The following CDC14B variants were observed in gnomAD, a reference collection of about 807,000 sequenced individuals.
CDC14B encodes the protein cell division cycle 14B, also known as dual specificity protein phosphatase CDC14B.
CDC14B carries 22 observed loss-of-function variants against 64.2 expected under a neutral mutation model. That is an observed-to-expected ratio of 0.34 (90% CI 0.24 to 0.49). The LOEUF (loss-of-function observed/expected upper bound fraction) is 0.49, where lower values mean the gene tolerates loss of function less well. Ranked by LOEUF, CDC14B falls within the 20% of genes least tolerant of loss-of-function variation. The pLI is 0.99. For synonymous variants in CDC14B, 191 were observed against 215.8 expected (o/e 0.89, Z 1.01); for missense variants, 498 against 629.9 (o/e 0.79, Z 2.24).
intron 6 of CDC14B, among the ~76,000 whole-genome samples, chr9:96,539,882 C>T (rs1000470947): frequency 3.9e-5 from 6 of 152,272 alleles, no homozygotes; most frequent in African/African-American, 1.2e-4. Context: ...GCTGCTGATC[C>T]CTGAGCCAAA....
intron 1 of CDC14B, among the ~76,000 whole-genome samples, chr9:96,575,928 T>C (rs750333374): frequency 1.3e-5 from 2 of 152,150 alleles, no homozygotes; most frequent in Non-Finnish European, 2.9e-5. Context: ...TAGACAAAGG[T>C]ATGCTATGCA....
rs373160930 is a variant in CDC14B, at chr9:96,560,582, C to CTTTTTTTTTTTT, written c.420+2110_420+2111insAAAAAAAAAAAA. ...GGTTCATACATAGACTTTTCTCTTT[C>CTTTTTTTTTTTT]TCTTTTTTTTTTTTTTTTTGAGACG... On this transcript the variant is annotated intron_variant, in intron 4 of 13. Transcript: ENST00000375241. Among the ~76,000 whole-genome samples the CTTTTTTTTTTTT allele has an allele frequency of 2.2e-4, 28 of 127,690 alleles. 3 individuals carry two copies. Among genetic ancestry groups the CTTTTTTTTTTTT allele is most frequent in the African/African-American group, 8.2e-4 (26 of 31,732 alleles). The allele number at this position is 127,690 out of a possible 152,430, so 83.8% of individuals were successfully genotyped here. A position where few individuals can be genotyped will look rare whatever the true frequency, so the allele number is the denominator to read the frequency against.
chr9:96,580,588 G>A (rs952210933), intron 1 of CDC14B, among the ~76,000 whole-genome samples: 1 of 152,102 alleles, frequency 6.6e-6, no homozygotes, highest in Non-Finnish European at 1.5e-5. Flanking sequence ...CGTTCTGGAG[G>A]GCAATCTGGC....
chr9:96,554,727 C>T (rs1341798631), intron 4 of CDC14B, among the ~76,000 whole-genome samples: 1 of 152,012 alleles, frequency 6.6e-6, no homozygotes, highest in African/African-American at 2.4e-5. Flanking sequence ...ATATATTTGC[C>T]AATCTATAAC....
intron 1 of CDC14B, among the ~76,000 whole-genome samples, chr9:96,592,620 A>C (rs1338855213): frequency 2.0e-5 from 3 of 152,094 alleles, no homozygotes; most frequent in Non-Finnish European, 4.4e-5. Context: ...CTAAAAATAG[A>C]AAAATTAGTC....
chr9:96,581,460 G>A (rs1380344122), intron 1 of CDC14B, among the ~76,000 whole-genome samples: 4 of 135,630 alleles, frequency 2.9e-5, no homozygotes, highest in Non-Finnish European at 5.9e-5. Context: ...TAGAGACCTC[G>A]TCTCTAAAAA....
intron 5 of CDC14B, among the ~76,000 whole-genome samples, chr9:96,549,750 T>C (rs16911186): frequency 0.052 from 7,906 of 152,218 alleles, 686 homozygotes; most frequent in African/African-American, 0.18. Flanking sequence ...CAAAGCTGAA[T>C]GGTTTCTAGC....
At chr9:96,512,326 CTTTT>C (rs776677638) in intron 12 of CDC14B, among the ~76,000 whole-genome samples, 2 of 132,094 alleles carry the variant, frequency 1.5e-5, no homozygotes, top group East Asian at 4.5e-4. Flanking sequence ...AATTTTTTTT[CTTTT>C]TTTTTTTTTT....
At chr9:96,609,107 G>C (rs1349790262) in intron 1 of CDC14B, among the ~76,000 whole-genome samples, 1 of 152,136 alleles carries the variant, frequency 6.6e-6, no homozygotes, top group Non-Finnish European at 1.5e-5. Flanking sequence ...TGAGATTACA[G>C]GTGCATGCCA....
chr9:96,588,387 T>C (rs553994114), intron 1 of CDC14B, among the ~76,000 whole-genome samples: 2 of 152,376 alleles, frequency 1.3e-5, no homozygotes, highest in South Asian at 2.1e-4. Context: ...AATTTGCTTA[T>C]ACTTTGATGT....
intron 1 of CDC14B, among the ~76,000 whole-genome samples, chr9:96,574,697 C>CAAA (rs57056796): frequency 0.014 from 666 of 47,956 alleles, 67 homozygotes; most frequent in African/African-American, 0.044. Context: ...CTCGGTCTCA[C>CAAA]AAAAAAAAAA....
intron 1 of CDC14B, among the ~76,000 whole-genome samples, chr9:96,586,999 CCT>C (rs1021404627): frequency 2.4e-4 from 37 of 152,000 alleles, no homozygotes; most frequent in Non-Finnish European, 4.4e-5. Context: ...ACCGCGAAAC[CCT>C]GTCTCTACTA....
chr9:96,514,805 C>A (rs920978057), intron 12 of CDC14B: 239 of 985,352 alleles, frequency 2.4e-4, no homozygotes, highest in Non-Finnish European at 2.8e-4. Flanking sequence ...GGGTCTTCAA[C>A]ATGCTGTTCC....
chr9:96,560,960 A>C (rs1371049925), intron 4 of CDC14B, among the ~76,000 whole-genome samples: 1 of 151,268 alleles, frequency 6.6e-6, no homozygotes, highest in Non-Finnish European at 1.5e-5. Context: ...TTGGAGACAA[A>C]GTCTCACTCA....
chr9:96,527,581 G>A lies in CDC14B; in HGVS notation c.947-3856C>T, dbSNP rs985376104. 6.6e-5 allele frequency among the ~76,000 whole-genome samples: 10 copies of A among 151,886 alleles called. No individual in the cohort carries two copies. The South Asian group carries it at 1.0e-3, about 16-fold the overall frequency. ...CAGAACGTATTTCATCTTACAAAAC[G>A]GAAACTCTGGACCCATTTTTATTTT... On this transcript the variant is annotated intron_variant, in intron 9 of 13. Transcript: ENST00000375241.
intron 13 of CDC14B, among the ~76,000 whole-genome samples, chr9:96,504,594 G>T (rs148545709): frequency 9.8e-4 from 150 of 152,330 alleles, no homozygotes; most frequent in African/African-American, 3.4e-3. Flanking sequence ...AATTTCAAAG[G>T]ATCATTAATA....
At chr9:96,605,328 C>T (rs568253826) in intron 1 of CDC14B, among the ~76,000 whole-genome samples, 1 of 152,268 alleles carries the variant, frequency 6.6e-6, no homozygotes, top group Admixed American at 6.5e-5. Flanking sequence ...GTCCATTTTG[C>T]CTACTGTCAT....
At chr9:96,616,576 T>C (rs1402046511) in intron 1 of CDC14B, among the ~76,000 whole-genome samples, 3 of 151,466 alleles carry the variant, frequency 2.0e-5, no homozygotes, top group Non-Finnish European at 2.9e-5. Flanking sequence ...ATACAAAAAT[T>C]AGCCAGGCAT....
In CDC14B at chr9:96,591,401, A is replaced by G. The variant is rs1845787281; in HGVS notation, c.161-25918T>C. On this transcript the variant is annotated intron_variant, in intron 1 of 13. Transcript: ENST00000375241. Reference sequence around the variant, plus strand: ...TCAAAGATCATTTAACCATATACATAAGGGTTTATTTCTGGGCTGTTTACT... The same window carrying G: ...TCAAAGATCATTTAACCATATACATGAGGGTTTATTTCTGGGCTGTTTACT... 3.9e-5 allele frequency among the ~76,000 whole-genome samples: 6 copies of G among 152,248 alleles called. No individual in the cohort carries two copies. In the South Asian group the frequency reaches 1.2e-3, roughly 32 times the overall value.
Sources: allele counts gnomAD v4.1 joint callset (sites outside exome capture counted in the v4.1 genomes callset), GRCh38; gene constraint gnomAD v4.1.1; transcripts MANE v1.5; gene names NCBI Gene and HGNC (gene_info 2026-07-23, HGNC 2026-07-21).